The following DLG2 variants were observed in gnomAD, a reference collection of about 807,000 sequenced individuals.
DLG2 encodes the protein discs large MAGUK scaffold protein 2.
A neutral mutation model predicts 132.5 loss-of-function variants in DLG2; 45 were observed. The observed-to-expected ratio is 0.34, with a 90% CI of 0.27 to 0.44. The LOEUF (loss-of-function observed/expected upper bound fraction) is 0.44, where lower values mean the gene tolerates loss of function less well. Ranked by LOEUF, DLG2 falls within the 20% of genes least tolerant of loss-of-function variation. DLG2 has a pLI of 1.00. For synonymous variants in DLG2, 424 were observed against 419.6 expected (o/e 1.01, Z -0.13); for missense variants, 1,045 against 1,196.9 (o/e 0.87, Z 1.87).
chr11:85,076,329 T>C (rs1049238470), intron 6 of DLG2, among the ~76,000 whole-genome samples: 3 of 151,930 alleles, frequency 2.0e-5, no homozygotes, highest in Non-Finnish European at 4.4e-5. Context: ...ACCATTTAAA[T>C]TAAGAATTAC....
intron 6 of DLG2, among the ~76,000 whole-genome samples, chr11:84,542,775 C>T (rs966886181): frequency 3.9e-5 from 6 of 152,070 alleles, no homozygotes; most frequent in African/African-American, 9.7e-5. Flanking sequence ...TGATGAACCA[C>T]GTGAAAACAA....
chr11:84,314,289 A>G (rs1233609381), intron 7 of DLG2, among the ~76,000 whole-genome samples: 2 of 152,212 alleles, frequency 1.3e-5, no homozygotes, highest in Admixed American at 6.5e-5. Flanking sequence ...GTTTAGTATC[A>G]TTAGCCTCCA....
intron 18 of DLG2, among the ~76,000 whole-genome samples, chr11:83,701,738 C>G (rs974075000): frequency 6.6e-6 from 1 of 152,074 alleles, no homozygotes; most frequent in African/African-American, 2.4e-5. Flanking sequence ...GCATTCAGGA[C>G]AAAACAACAG....
chr11:84,439,843 G>A (rs1002470847), intron 7 of DLG2, among the ~76,000 whole-genome samples: 1 of 152,116 alleles, frequency 6.6e-6, no homozygotes, highest in Non-Finnish European at 1.5e-5. Context: ...AGAAAATTTT[G>A]TTTTTAACAC....
At chr11:84,157,930 T>G (rs1441914434) in intron 9 of DLG2, among the ~76,000 whole-genome samples, 1 of 152,202 alleles carries the variant, frequency 6.6e-6, no homozygotes, top group Non-Finnish European at 1.5e-5. Context: ...GGGCTTTTTC[T>G]TTTCTTTTAA....
chr11:84,443,561 A>G (rs530982131), intron 7 of DLG2, among the ~76,000 whole-genome samples: 1 of 152,286 alleles, frequency 6.6e-6, no homozygotes, highest in Admixed American at 6.5e-5. Context: ...AGTATTCTAT[A>G]TAACACAGTG....
chr11:83,492,160 AG>A (rs2093890881), intron 21 of DLG2, among the ~76,000 whole-genome samples: 1 of 152,052 alleles, frequency 6.6e-6, no homozygotes, highest in African/African-American at 2.4e-5. Context: ...CACTTTATTC[AG>A]GGCCACCAAT....
chr11:84,642,117 A>T (rs564327767), intron 6 of DLG2, among the ~76,000 whole-genome samples: 8,236 of 138,776 alleles, frequency 0.059, 290 homozygotes, highest in South Asian at 0.095. Flanking sequence ...GTATATGTAG[A>T]GTGTGTGTGT....
chr11:84,653,159 A>T (rs2099684172), intron 6 of DLG2, among the ~76,000 whole-genome samples: 1 of 152,060 alleles, frequency 6.6e-6, no homozygotes, highest in African/African-American at 2.4e-5. Context: ...CCCACTCCTG[A>T]CCTCAAGTGA....
intron 9 of DLG2, among the ~76,000 whole-genome samples, chr11:84,148,229 A>G (rs931289451): frequency 7.9e-5 from 12 of 152,070 alleles, no homozygotes; most frequent in South Asian, 2.1e-4. Flanking sequence ...TTTTCCAGCT[A>G]TTACTGTAGA....
intron 6 of DLG2, among the ~76,000 whole-genome samples, chr11:85,029,359 G>A (rs926075015): frequency 6.6e-6 from 1 of 152,174 alleles, no homozygotes; most frequent in African/African-American, 2.4e-5. Flanking sequence ...TGACAATACA[G>A]GACTCTCCAT....
At chr11:83,972,541 A>G (rs893939289) in intron 12 of DLG2, among the ~76,000 whole-genome samples, 9 of 152,112 alleles carry the variant, frequency 5.9e-5, no homozygotes, top group African/African-American at 2.2e-4. Flanking sequence ...TCCAAGAATG[A>G]TCTTCTCAAG....
chr11:83,936,313 C>T (rs1404082771), intron 14 of DLG2, among the ~76,000 whole-genome samples: 1 of 152,140 alleles, frequency 6.6e-6, no homozygotes, highest in Non-Finnish European at 1.5e-5. Flanking sequence ...TTTAATAGCC[C>T]TGGAGGTTGA....
intron 6 of DLG2, among the ~76,000 whole-genome samples, chr11:84,738,883 C>T (rs2064217706): frequency 6.6e-6 from 1 of 151,866 alleles, no homozygotes. Context: ...AATGTATAAA[C>T]AAAACAAGAT....
chr11:85,550,751 A>G (rs2076617439), intron 3 of DLG2, among the ~76,000 whole-genome samples: 2 of 152,256 alleles, frequency 1.3e-5, no homozygotes, highest in African/African-American at 2.4e-5. Flanking sequence ...ATTCTGCACT[A>G]TATGAGACTT....
intron 3 of DLG2, among the ~76,000 whole-genome samples, chr11:85,340,860 G>T (rs2082444592): frequency 6.6e-6 from 1 of 152,132 alleles, no homozygotes; most frequent in South Asian, 2.1e-4. Flanking sequence ...AGGAATTCAT[G>T]CATGTTTCAT....
intron 21 of DLG2, among the ~76,000 whole-genome samples, chr11:83,493,938 G>T (rs1316412451): frequency 6.6e-6 from 1 of 152,122 alleles, no homozygotes; most frequent in Non-Finnish European, 1.5e-5. Context: ...AATCTAAAGA[G>T]AATGTGATGT....
chr11:84,203,012 G>A (rs1252649046), intron 8 of DLG2, among the ~76,000 whole-genome samples: 1 of 152,180 alleles, frequency 6.6e-6, no homozygotes, highest in Non-Finnish European at 1.5e-5. Flanking sequence ...TACACTGTTG[G>A]TGGGAGTGTA....
rs1386772039 is a variant in DLG2, at chr11:83,638,051, T to TG, written c.1826-4727dup. On this transcript the variant is annotated intron_variant, in intron 18 of 27. Transcript: ENST00000376104. Reference sequence around the variant, plus strand: ...TTAAATTACAAGTTGTTTTATGTTTTGGGGGGATTTTCTTCTGTAACAAGA... The same window carrying TG: ...TTAAATTACAAGTTGTTTTATGTTTTGGGGGGGATTTTCTTCTGTAACAAGA... Among the ~76,000 whole-genome samples, 8 of 152,232 alleles carry TG rather than the reference T, an allele frequency of 5.3e-5. No homozygotes were observed. The South Asian group carries it at 6.2e-4, about 12-fold the overall frequency.
Sources: allele counts gnomAD v4.1 joint callset (sites outside exome capture counted in the v4.1 genomes callset), GRCh38; gene constraint gnomAD v4.1.1; transcripts MANE v1.5; gene names NCBI Gene and HGNC (gene_info 2026-07-23, HGNC 2026-07-21).